The following STYX variants were observed in gnomAD, a reference collection of about 807,000 sequenced individuals.
The protein encoded by STYX is serine/threonine/tyrosine interacting protein.
STYX carries 20 observed loss-of-function variants against 42.7 expected under a neutral mutation model. The ratio of observed to expected loss-of-function variants is 0.47; its 90% CI spans 0.33 to 0.68. STYX has a LOEUF of 0.68. Ranked by LOEUF, STYX falls within the 30% of genes least tolerant of loss-of-function variation. The pLI is 0.02. For missense variants in STYX, 226 were observed against 268.5 expected, an observed-to-expected ratio of 0.84 and a Z score of 1.11; for synonymous variants, 78 against 81.9, an observed-to-expected ratio of 0.95 and a Z score of 0.26.
intron 9 of STYX, among the ~76,000 whole-genome samples, chr14:52,761,328 C>CAAAA (rs55985975): frequency 1.9e-5 from 2 of 106,660 alleles, no homozygotes; most frequent in South Asian, 2.9e-4. Flanking sequence ...AACTCCGTGT[C>CAAAA]AAAAAAAAAA....
chr14:52,731,570 TG>T (rs1036361874), intron 1 of STYX: 3 of 151,690 alleles, frequency 2.0e-5, no homozygotes, highest in African/African-American at 4.8e-5. Flanking sequence ...CCTGAGTAGC[TG>T]GAACTACAGG....
intron 4 of STYX, among the ~76,000 whole-genome samples, chr14:52,751,485 A>G (rs1881608645): frequency 3.3e-5 from 5 of 152,190 alleles, no homozygotes; most frequent in Admixed American, 3.3e-4. Flanking sequence ...TTAAATTTTG[A>G]TAGATGTTGC....
Position 52,772,418 on chromosome 14 carries a change from G to T in STYX, c.*1312G>T, listed in dbSNP as rs1177258134. 6.6e-6 allele frequency: 1 copy of T among 152,452 alleles called. No individual in the cohort carries two copies. Among genetic ancestry groups the T allele is most frequent in the Non-Finnish European group, 1.5e-5 (1 of 67,974 alleles). The allele number at this position is 152,452 out of a possible 1,614,324, so 9.4% of individuals were successfully genotyped here. On this transcript the variant is annotated 3_prime_UTR_variant, in exon 11 of 11. Coordinates refer to ENST00000354586, the MANE Select transcript of STYX (RefSeq NM_145251.4). The stretch of plus-strand genomic sequence containing the variant: ...AGTAAAGTCACTTTATGGATTTTTG[G>T]CTATGTTTTAGTTTGTGTGTATAAA...
chr14:52,771,199 G>GTT lies in STYX; in HGVS notation c.*101_*102dup. The stretch of plus-strand genomic sequence containing the variant: ...ATGTAAAATGGTAAAAACATAAGTA[G>GTT]TTTTTTTTTCAATTACATGTTGCTT... On this transcript the variant is annotated 3_prime_UTR_variant, in exon 11 of 11. Transcript: ENST00000354586. The GTT allele has an allele frequency of 7.5e-6, 9 of 1,192,614 alleles. No homozygotes were observed. The highest frequency in any genetic ancestry group is 2.4e-5 in the Admixed American group (1 of 41,080). The allele number at this position is 1,192,614 out of a possible 1,614,324, so 73.9% of individuals were successfully genotyped here.
intron 1 of STYX, among the ~76,000 whole-genome samples, chr14:52,734,330 C>G (rs1283232187): frequency 1.3e-5 from 2 of 152,164 alleles, no homozygotes; most frequent in African/African-American, 4.8e-5. Context: ...ACTAGCACCT[C>G]CAGTGTTTTC....
intron 1 of STYX, among the ~76,000 whole-genome samples, chr14:52,743,397 C>T (rs541028404): frequency 3.0e-4 from 45 of 151,864 alleles, no homozygotes; most frequent in Middle Eastern, 6.8e-3. Flanking sequence ...TTGGCTAACA[C>T]GGTGAAACCC....
rs1356431896 is a variant in STYX at position 52,755,220 on chromosome 14, T to G, written c.243-1331T>G. 7.2e-5 allele frequency among the ~76,000 whole-genome samples: 11 copies of G among 151,996 alleles called. No homozygotes were observed. In the East Asian group the frequency reaches 2.1e-3, roughly 29 times the overall value. On this transcript the variant is annotated intron_variant, in intron 4 of 10. Coordinates refer to ENST00000354586, the MANE Select transcript of STYX (RefSeq NM_145251.4). Reference sequence around the variant, plus strand: ...CCACTGCAACCTCTGCCTCCCGGGTTTAAGTGATTCTCCTGCCTCAGCCTC... The same window carrying G: ...CCACTGCAACCTCTGCCTCCCGGGTGTAAGTGATTCTCCTGCCTCAGCCTC...
intron 1 of STYX, among the ~76,000 whole-genome samples, chr14:52,733,089 G>A (rs1880799643): frequency 6.6e-6 from 1 of 152,174 alleles, no homozygotes. Flanking sequence ...CTGAAAATAA[G>A]TGATGTGCCA....
At chr14:52,732,956 C>G (rs1880795258) in intron 1 of STYX, among the ~76,000 whole-genome samples, 1 of 152,134 alleles carries the variant, frequency 6.6e-6, no homozygotes, top group Non-Finnish European at 1.5e-5. Flanking sequence ...CAGGCTTGAG[C>G]CACCGCGAAG....
chr14:52,766,916 T>G (rs1042736900), intron 9 of STYX, among the ~76,000 whole-genome samples: 4 of 152,182 alleles, frequency 2.6e-5, no homozygotes, highest in Non-Finnish European at 4.4e-5. Flanking sequence ...CATTAAATAT[T>G]TATTTGGCAT....
At chr14:52,742,343 G>C (rs1166977378) in intron 1 of STYX, among the ~76,000 whole-genome samples, 1 of 152,200 alleles carries the variant, frequency 6.6e-6, no homozygotes. Context: ...ACTTTGAGCA[G>C]ATCATAGACT....
At chr14:52,747,916 T>C (rs1881455558) in intron 3 of STYX, among the ~76,000 whole-genome samples, 3 of 152,156 alleles carry the variant, frequency 2.0e-5, no homozygotes, top group Admixed American at 2.0e-4. Flanking sequence ...TGCTTGAATC[T>C]GGGAGGTAGA....
In STYX at chr14:52,748,225, T is replaced by A. The variant is rs1338144057; in HGVS notation, c.144+1746T>A. On this transcript the variant is annotated intron_variant, in intron 3 of 10. Coordinates refer to ENST00000354586, the MANE Select transcript of STYX (RefSeq NM_145251.4). ...AACTCCTTTTTAAACACTCATTTAC[T>A]GTTATTATTTTGTGGGAGAGGAGTG... Among the ~76,000 whole-genome samples, 3 of 152,132 alleles carry A rather than the reference T, an allele frequency of 2.0e-5. No homozygotes were observed. In the East Asian group the frequency reaches 5.8e-4, roughly 29 times the overall value.
intron 1 of STYX, among the ~76,000 whole-genome samples, chr14:52,739,706 A>ATGATGACTC (rs1881110937): frequency 1.5e-5 from 2 of 130,028 alleles, no homozygotes; most frequent in South Asian, 4.7e-4. Flanking sequence ...CAATGGCACC[A>ATGATGACTC]TGATGACTCA....
intron 2 of STYX, among the ~76,000 whole-genome samples, chr14:52,745,126 T>G (rs1275307697): frequency 1.3e-5 from 2 of 150,306 alleles, no homozygotes; most frequent in East Asian, 1.9e-4. Context: ...TTTTTTTGTT[T>G]TTTTTTTTTT....
intron 9 of STYX, among the ~76,000 whole-genome samples, chr14:52,761,129 G>A (rs1490241871): frequency 6.6e-6 from 1 of 152,076 alleles, no homozygotes; most frequent in Non-Finnish European, 1.5e-5. Flanking sequence ...AGGAGTTCGA[G>A]ACCAGCCTGG....
In STYX at chr14:52,772,822, T is replaced by C. The variant is rs1335145026; in HGVS notation, c.*1716T>C. On this transcript the variant is annotated 3_prime_UTR_variant, in exon 11 of 11. Transcript: ENST00000354586. ...ATTTCCCTCCCCTTCCCTTCTCTTA[T>C]CTTACCACTGTGAAAACAGCATATT... 2 of 152,050 alleles carry C rather than the reference T, an allele frequency of 1.3e-5. No homozygotes were observed. The highest frequency in any genetic ancestry group is 4.8e-5 in the African/African-American group (2 of 41,406). The allele number at this position is 152,050 out of a possible 1,614,324, so 9.4% of individuals were successfully genotyped here.
Position 52,730,783 on chromosome 14 carries a change from G to C in STYX, c.57+252G>C, listed in dbSNP as rs571281177. 5.4e-4 allele frequency among the ~76,000 whole-genome samples: 82 copies of C among 152,324 alleles called. 1 individual carries two copies. The highest frequency in any genetic ancestry group is 1.0e-3 in the Non-Finnish European group (69 of 68,028). ...GGAAAAGCAATCCCTTAGTCCCTAG[G>C]CTTGGCATCCAGGACTGACCTGGAG... On this transcript the variant is annotated intron_variant, in intron 1 of 10. Transcript: ENST00000354586.
Position 52,753,983 on chromosome 14 carries a change from A to G in STYX, c.243-2568A>G, listed in dbSNP as rs188407811. Among the ~76,000 whole-genome samples, 8 of 128,174 alleles carry G rather than the reference A, an allele frequency of 6.2e-5. No homozygotes were observed. The Admixed American group carries it at 8.2e-4, about 13-fold the overall frequency. The allele number at this position is 128,174 out of a possible 152,430, so 84.1% of individuals were successfully genotyped here. ...GGGCTCACTGCAACCTCTGCCTCCC[A>G]AGTTCAGGCAATTCTTCTGCCTCAG... On this transcript the variant is annotated intron_variant, in intron 4 of 10. Coordinates refer to ENST00000354586, the MANE Select transcript of STYX (RefSeq NM_145251.4).
Sources: gnomAD v4.1 joint callset for allele counts (sites outside exome capture counted in the v4.1 genomes callset) on GRCh38, gnomAD v4.1.1 for gene constraint, MANE v1.5 for transcripts, NCBI Gene and HGNC (gene_info 2026-07-23, HGNC 2026-07-21) for gene names.